The following NAB1 variants were observed in gnomAD, a reference collection of about 807,000 sequenced individuals.
The protein encoded by NAB1 is NGFI-A-binding protein 1.
A neutral mutation model predicts 49.9 loss-of-function variants in NAB1; 25 were observed. The ratio of observed to expected loss-of-function variants is 0.50; its 90% CI spans 0.37 to 0.70. NAB1 has a LOEUF of 0.70. NAB1 is among the 30% of genes least tolerant of loss of function. NAB1 has a pLI of 0.00. For missense variants in NAB1, 489 were observed against 575.9 expected, an observed-to-expected ratio of 0.85 and a Z score of 1.54; for synonymous variants, 198 against 215.6, an observed-to-expected ratio of 0.92 and a Z score of 0.71.
rs970343716 is a variant in NAB1 at position 190,686,208 on chromosome 2, T to G, written c.1258+570T>G. The stretch of plus-strand genomic sequence containing the variant: ...TTCACCCAACCAACAGGCATTTTAT[T>G]TTTTTAGCAATTCCTATGTGCCAGG... On this transcript the variant is annotated intron_variant, in intron 8 of 9. Coordinates refer to ENST00000337386, the MANE Select transcript of NAB1 (RefSeq NM_005966.4). This position sits in a 1 kb window ranked among gnomAD's most constrained non-coding sequence, Gnocchi z 5.5. Among the ~76,000 whole-genome samples, 2 of 152,198 alleles carry G rather than the reference T, an allele frequency of 1.3e-5. No individual in the cohort carries two copies. The highest frequency in any genetic ancestry group is 2.9e-5 in the Non-Finnish European group (2 of 68,034).
At chr2:190,664,809 A>G (rs545983704) in intron 4 of NAB1, among the ~76,000 whole-genome samples, 3 of 151,918 alleles carry the variant, frequency 2.0e-5, no homozygotes, top group Non-Finnish European at 4.4e-5. Context: ...TCTTTTATAA[A>G]TACTGATCAG....
chr2:190,654,322 G>A lies in NAB1; in HGVS notation c.-196-1655G>A, dbSNP rs1036724171. 2.6e-5 allele frequency among the ~76,000 whole-genome samples: 4 copies of A among 152,150 alleles called. No individual in the cohort carries two copies. Among genetic ancestry groups the A allele is most frequent in the African/African-American group, 9.7e-5 (4 of 41,438 alleles). ...TTGCTCTTAACTGACTCTCCATGAA[G>A]GACTGTCTTTCCTCTGTTCCCCAGA... On this transcript the variant is annotated intron_variant, in intron 2 of 9. Transcript: ENST00000337386. This position sits in a 1 kb window ranked among gnomAD's most constrained non-coding sequence, Gnocchi z 5.6.
chr2:190,660,320 T>C (rs1450080974), intron 4 of NAB1, among the ~76,000 whole-genome samples: 1 of 152,220 alleles, frequency 6.6e-6, no homozygotes, highest in Non-Finnish European at 1.5e-5. Flanking sequence ...AAAATAAAAC[T>C]AGGTTTTAAA....
Position 190,675,342 on chromosome 2 carries a change from CTGTT to C in NAB1, c.1005+2193_1005+2196del, listed in dbSNP as rs961848918. On this transcript the variant is annotated intron_variant, in intron 6 of 9. Coordinates refer to ENST00000337386, the MANE Select transcript of NAB1 (RefSeq NM_005966.4). This position sits in a 1 kb window ranked among gnomAD's most constrained non-coding sequence, Gnocchi z 5.2. ...AATTTGTGATCATGAATCTCATGGA[CTGTT>C]TGAGCTGCAGTTGTTTCTTGATGAG... Among the ~76,000 whole-genome samples the C allele has an allele frequency of 6.6e-6, 1 of 152,160 alleles. No individual in the cohort carries two copies. The highest frequency in any genetic ancestry group is 2.4e-5 in the African/African-American group (1 of 41,434).
rs776839538 is a variant in NAB1 at position 190,659,341 on chromosome 2, C to A, written c.165C>A (p.Leu55=). 6 of 1,613,970 alleles carry A rather than the reference C, an allele frequency of 3.7e-6. No individual in the cohort carries two copies. The South Asian group carries it at 6.6e-5, about 18-fold the overall frequency. The change falls in exon 4 of 10, where the codon CTC becomes CTA. Residue 55 remains leucine, a synonymous_variant. Coordinates refer to ENST00000337386, the MANE Select transcript of NAB1 (RefSeq NM_005966.4). This position sits in a 1 kb window ranked among gnomAD's most constrained non-coding sequence, Gnocchi z 6.2. ...AGGAGTTTTTGGAAATCATGGCACT[C>A]GTGGGCATGGCTAGCAAGCCCCTTC... ...GEEEFLEIMA[L]VGMASKPLHV... is the part of the protein sequence containing the mutation.
rs1395557674 is a variant in NAB1, at chr2:190,649,133, G to A, written c.-561G>A. On this transcript the variant is annotated 5_prime_UTR_variant, in exon 1 of 10. Transcript: ENST00000337386. The surrounding 1 kb of genome is among the most constrained non-coding windows in gnomAD (Gnocchi z 6.1). ...CTGGAGGAGCCGCCGCCGCCGCCGC[G>A]GCCAAGCGAGCGCCGTCGGGGCGGG... 8.3e-6 allele frequency: 1 copy of A among 120,376 alleles called. No individual in the cohort carries two copies. The highest frequency in any genetic ancestry group is 1.9e-5 in the Non-Finnish European group (1 of 53,088). 7.5% of individuals were successfully genotyped at this position (120,376 alleles called of 1,614,324 possible).
Position 190,683,773 on chromosome 2 carries a change from A to G in NAB1, c.1041A>G (p.Thr347=). Residue 347 remains threonine, a synonymous_variant, in exon 7 of 10, where the codon ACA becomes ACG. Transcript: ENST00000337386. ...GFPDFQDSVQ[T]LFQQARAKSE... ...CAGATTTCCAGGATTCTGTGCAAAC[A>G]CTCTTCCAGCAGGCTAGAGCTAAGA... 6.2e-7 allele frequency: 1 copy of G among 1,613,638 alleles called. No individual in the cohort carries two copies. Among genetic ancestry groups the G allele is most frequent in the Non-Finnish European group, 8.5e-7 (1 of 1,179,898 alleles).
chr2:190,679,671 A>C lies in NAB1; in HGVS notation c.1006-4067A>C. ...ACAGGTGGTGTAATCCTAATTTAAA[A>C]ATTTGGATCACTGGAAATAATGAGG... On this transcript the variant is annotated intron_variant, in intron 6 of 9. Coordinates refer to ENST00000337386, the MANE Select transcript of NAB1 (RefSeq NM_005966.4). This position sits in a 1 kb window ranked among gnomAD's most constrained non-coding sequence, Gnocchi z 5.3. Among the ~76,000 whole-genome samples the C allele has an allele frequency of 6.6e-6, 1 of 152,188 alleles. No homozygotes were observed. The highest frequency in any genetic ancestry group is 1.9e-4 in the East Asian group (1 of 5,202).
chr2:190,691,905 GCTT>G lies in NAB1; in HGVS notation c.*1577_*1579del, dbSNP rs1695950992. On this transcript the variant is annotated 3_prime_UTR_variant, in exon 10 of 10. Coordinates refer to ENST00000337386, the MANE Select transcript of NAB1 (RefSeq NM_005966.4). The surrounding 1 kb of genome is among the most constrained non-coding windows in gnomAD (Gnocchi z 4.1). ...CAGATCACTGTCACGTATATAAATT[GCTT>G]CTTCATTTTAATTTGTAGAAGTACT... 6.6e-6 allele frequency: 1 copy of G among 152,506 alleles called. No homozygotes were observed. The highest frequency in any genetic ancestry group is 1.5e-5 in the Non-Finnish European group (1 of 68,012). The allele number at this position is 152,506 out of a possible 1,614,324, so 9.4% of individuals were successfully genotyped here.
chr2:190,682,302 T>C lies in NAB1; in HGVS notation c.1006-1436T>C, dbSNP rs952770803. ...TGGTCCTCACAACAATCCTAATAGA[T>C]AGGTTCTCCTATCCTCAATTTTCCT... is the stretch of plus-strand genomic sequence containing the variant. On this transcript the variant is annotated intron_variant, in intron 6 of 9. Coordinates refer to ENST00000337386, the MANE Select transcript of NAB1 (RefSeq NM_005966.4). This position sits in a 1 kb window ranked among gnomAD's most constrained non-coding sequence, Gnocchi z 4.1. Among the ~76,000 whole-genome samples the C allele has an allele frequency of 6.6e-6, 1 of 152,226 alleles. No homozygotes were observed. Among genetic ancestry groups the C allele is most frequent in the African/African-American group, 2.4e-5 (1 of 41,446 alleles).
rs191217320 is a variant in NAB1 at position 190,676,093 on chromosome 2, G to A, written c.1005+2941G>A. On this transcript the variant is annotated intron_variant, in intron 6 of 9. Coordinates refer to ENST00000337386, the MANE Select transcript of NAB1 (RefSeq NM_005966.4). This position sits in a 1 kb window ranked among gnomAD's most constrained non-coding sequence, Gnocchi z 4.6. ...ATGTCTACCTTCTATATGGCTTCTG[G>A]GGAGAGGGAGAATTTCTGGTATGAG... Among the ~76,000 whole-genome samples, 25 of 152,230 alleles carry A rather than the reference G, an allele frequency of 1.6e-4. No individual in the cohort carries two copies. The highest frequency in any genetic ancestry group is 5.8e-4 in the African/African-American group (24 of 41,524).
At chr2:190,671,942 A>T (rs1175435908) in intron 5 of NAB1, among the ~76,000 whole-genome samples, 1 of 151,462 alleles carries the variant, frequency 6.6e-6, no homozygotes, top group Non-Finnish European at 1.5e-5. Context: ...TGCCCAGCTA[A>T]TTTTTGTATT....
intron 2 of NAB1, among the ~76,000 whole-genome samples, chr2:190,650,360 A>T (rs1043636066): frequency 1.3e-5 from 2 of 152,220 alleles, no homozygotes; most frequent in African/African-American, 4.8e-5. Context: ...GAGTGCAAAG[A>T]TCAGAAGCTG....
At chr2:190,688,623 C>G (rs1036550355) in intron 9 of NAB1, among the ~76,000 whole-genome samples, 5 of 152,116 alleles carry the variant, frequency 3.3e-5, no homozygotes, top group South Asian at 2.1e-4. Context: ...CAGGAATACT[C>G]CAATTACATT....
At position 190,654,933 on chromosome 2, in the gene NAB1, T is replaced by G. The variant is rs999669832; in HGVS notation, c.-196-1044T>G. 3.3e-5 allele frequency among the ~76,000 whole-genome samples: 5 copies of G among 152,106 alleles called. No homozygotes were observed. The highest frequency in any genetic ancestry group is 1.5e-5 in the Non-Finnish European group (1 of 68,012). On this transcript the variant is annotated intron_variant, in intron 2 of 9. Coordinates refer to ENST00000337386, the MANE Select transcript of NAB1 (RefSeq NM_005966.4). The surrounding 1 kb of genome is among the most constrained non-coding windows in gnomAD (Gnocchi z 5.6). ...ACTAAGAGAGTTGGAAAGAGTAGAC[T>G]TGGGAATCTGGAAGAAGGGCAGAAA...
Position 190,675,893 on chromosome 2 carries a change from T to C in NAB1, c.1005+2741T>C, listed in dbSNP as rs1181629980. 2.0e-5 allele frequency among the ~76,000 whole-genome samples: 3 copies of C among 152,210 alleles called. No individual in the cohort carries two copies. Among genetic ancestry groups the C allele is most frequent in the Non-Finnish European group, 4.4e-5 (3 of 68,038 alleles). The stretch of plus-strand genomic sequence containing the variant: ...TTGTGTGTATGTATACCTACACATG[T>C]AGATGGTGTAATCCTTTGCAAAATA... On this transcript the variant is annotated intron_variant, in intron 6 of 9. Coordinates refer to ENST00000337386, the MANE Select transcript of NAB1 (RefSeq NM_005966.4). The surrounding 1 kb of genome is among the most constrained non-coding windows in gnomAD (Gnocchi z 5.2).
At chr2:190,671,689 C>A (rs376744051) in intron 5 of NAB1, among the ~76,000 whole-genome samples, 1 of 151,768 alleles carries the variant, frequency 6.6e-6, no homozygotes, top group Non-Finnish European at 1.5e-5. Context: ...TCTGCCTTCC[C>A]GCTTCTCAGT....
At position 190,670,562 on chromosome 2, in the gene NAB1, G is replaced by A; in HGVS notation, c.953+103G>A. The stretch of plus-strand genomic sequence containing the variant: ...TATAAGCATTTCTGAAAAAGTGGAA[G>A]TATGATTATTGTTCTATGAAACTAA... On this transcript the variant is annotated intron_variant, in intron 5 of 9. Transcript: ENST00000337386. The surrounding 1 kb of genome is among the most constrained non-coding windows in gnomAD (Gnocchi z 5.3). The A allele has an allele frequency of 1.6e-6, 2 of 1,267,724 alleles. No individual in the cohort carries two copies. The highest frequency in any genetic ancestry group is 1.4e-5 in the South Asian group (1 of 69,552). 78.5% of individuals were successfully genotyped at this position (1,267,724 alleles called of 1,614,324 possible).
chr2:190,683,971 C>T (rs1367244813), intron 7 of NAB1, 144 bp downstream of exon 7: 4 of 668,376 alleles, frequency 6.0e-6, no homozygotes, highest in East Asian at 5.6e-5. Context: ...TGAGCCACAG[C>T]TGTATCAACA....
Sources: gnomAD v4.1 joint callset for allele counts (sites outside exome capture counted in the v4.1 genomes callset) on GRCh38, gnomAD v4.1.1 for gene constraint, Gnocchi (gnomAD v3.1) non-coding constraint, MANE v1.5 for transcripts, NCBI Gene and HGNC (gene_info 2026-07-23, HGNC 2026-07-21) for gene names.